The following COL27A1 variants were observed in gnomAD, a reference collection of about 807,000 sequenced individuals.
The protein encoded by COL27A1 is collagen alpha-1(XXVII) chain.
Under a neutral mutation model 251.3 loss-of-function variants are expected in COL27A1, and 106 were observed. The observed-to-expected ratio is 0.42, with a 90% CI of 0.36 to 0.50. The LOEUF (loss-of-function observed/expected upper bound fraction) is 0.50, where lower values mean the gene tolerates loss of function less well. COL27A1 is among the 20% of genes least tolerant of loss of function. The pLI is 0.00. For missense variants in COL27A1, 2,325 were observed against 2,522.8 expected, an observed-to-expected ratio of 0.92 and a Z score of 1.68; for synonymous variants, 1,000 against 986.3, an observed-to-expected ratio of 1.01 and a Z score of -0.26.
intron 29 of COL27A1, among the ~76,000 whole-genome samples, chr9:114,264,630 C>T (rs752565856): frequency 6.6e-5 from 10 of 152,286 alleles, no homozygotes; most frequent in Middle Eastern, 3.4e-3. Flanking sequence ...AGATCATACA[C>T]GTCCTCAGAC....
chr9:114,173,677 G>A (rs867660598), intron 3 of COL27A1, among the ~76,000 whole-genome samples: 4 of 151,368 alleles, frequency 2.6e-5, no homozygotes, highest in Non-Finnish European at 5.9e-5. Context: ...TTCCAGGGTC[G>A]TTACATGGAT....
At chr9:114,261,717 G>A (rs762119708) in intron 28 of COL27A1, among the ~76,000 whole-genome samples, 12 of 152,292 alleles carry the variant, frequency 7.9e-5, no homozygotes, top group Middle Eastern at 3.4e-3. Context: ...CCCCGGTGAC[G>A]GGGAGCTCAC....
In COL27A1 at chr9:114,159,723, G is replaced by A. The variant is rs147821226; in HGVS notation, c.63-2992G>A. Reference sequence around the variant, plus strand: ...GTACAGCTCTTCCCTAATGTATCTGGCCAATTTCCTAGAAAGCATGTCCCT... The same window carrying A: ...GTACAGCTCTTCCCTAATGTATCTGACCAATTTCCTAGAAAGCATGTCCCT... On this transcript the variant is annotated intron_variant, in intron 1 of 60. Transcript: ENST00000356083. Among the ~76,000 whole-genome samples the A allele has an allele frequency of 4.6e-5, 7 of 152,308 alleles. No individual in the cohort carries two copies. In the East Asian group the frequency reaches 1.2e-3, roughly 25 times the overall value.
At chr9:114,167,630 G>T in intron 2 of COL27A1, 59 bp from the exon 3 acceptor site, 1 of 1,445,002 alleles carries the variant, frequency 6.9e-7, no homozygotes, top group South Asian at 1.3e-5. Flanking sequence ...GGGGGTAGGG[G>T]GTGGGGTGGG....
chr9:114,219,314 T>C (rs1453426268), intron 12 of COL27A1, among the ~76,000 whole-genome samples: 1 of 152,198 alleles, frequency 6.6e-6, no homozygotes, highest in Non-Finnish European at 1.5e-5. Flanking sequence ...CACAGCCTCG[T>C]TTCCTTTATC....
chr9:114,268,979 C>T (rs1243762182), intron 34 of COL27A1: 2 of 445,442 alleles, frequency 4.5e-6, no homozygotes, highest in Non-Finnish European at 7.8e-6. Context: ...CAGAACAGTA[C>T]AGTTAGTTAT....
Position 114,245,958 on chromosome 9 carries a change from T to TTAC in COL27A1, c.2979+50_2979+52dup, listed in dbSNP as rs753850187. The TTAC allele has an allele frequency of 2.6e-6, 4 of 1,549,444 alleles. No individual in the cohort carries two copies. The African/African-American group carries it at 5.5e-5, about 21-fold the overall frequency. On this transcript the variant is annotated intron_variant, in intron 24 of 60. Coordinates refer to ENST00000356083, the MANE Select transcript of COL27A1 (RefSeq NM_032888.4). ...ATGAGTGGCTCCATTTATTGGGCCC[T>TTAC]TACTCTGTGCCAAGCCCTTTGCCCA...
chr9:114,309,511 G>T (rs372559696), intron 60 of COL27A1, 33 bp downstream of exon 60: 19 of 1,560,884 alleles, frequency 1.2e-5, no homozygotes, highest in Middle Eastern at 3.5e-4. Context: ...GGCCCTTCAT[G>T]TGGGGACAAC....
chr9:114,195,917 C>T (rs1474429437), intron 6 of COL27A1, 42 bp from the exon 7 acceptor site: 11 of 1,441,594 alleles, frequency 7.6e-6, no homozygotes, highest in Admixed American at 1.7e-5. Context: ...AGTGTCTCTG[C>T]TCCCGTTTTC....
chr9:114,194,495 G>C (rs748665599), intron 6 of COL27A1, 38 bp downstream of exon 6: 1 of 1,565,088 alleles, frequency 6.4e-7, no homozygotes. Flanking sequence ...GGGAAGAGGG[G>C]AGTGGATGAT....
rs536578544 is a variant in COL27A1, at chr9:114,227,838, G to A, written c.2467-3241G>A. Among the ~76,000 whole-genome samples the A allele has an allele frequency of 8.5e-5, 13 of 152,296 alleles. No individual in the cohort carries two copies. In the South Asian group the frequency reaches 2.3e-3, roughly 27 times the overall value. On this transcript the variant is annotated intron_variant, in intron 14 of 60. Coordinates refer to ENST00000356083, the MANE Select transcript of COL27A1 (RefSeq NM_032888.4). ...GGGACATGACATTCTGAGTGGCTCC[G>A]GCCAAGCTGGCCTCGAGGGCGTCTG...
chr9:114,157,104 A>G lies in COL27A1; in HGVS notation c.62+1092A>G, dbSNP rs370520154. Among the ~76,000 whole-genome samples, 187 of 69,190 alleles carry G rather than the reference A, an allele frequency of 2.7e-3. 3 individuals are homozygous for G. Among genetic ancestry groups the G allele is most frequent in the South Asian group, 5.5e-3 (8 of 1,454 alleles). 45.4% of individuals were successfully genotyped at this position (69,190 alleles called of 152,430 possible). A position where few individuals can be genotyped will look rare whatever the true frequency, so the allele number is the denominator to read the frequency against. The stretch of plus-strand genomic sequence containing the variant: ...CACACACACACACACACACACACAC[A>G]TACGCGCGCGCGGCACCAGTGAGCA... On this transcript the variant is annotated intron_variant, in intron 1 of 60. Transcript: ENST00000356083.
intron 11 of COL27A1, 23 bp downstream of exon 11, chr9:114,209,751 T>A: frequency 6.2e-7 from 1 of 1,612,996 alleles, no homozygotes; most frequent in Non-Finnish European, 8.5e-7. Flanking sequence ...CTTTGGTTAT[T>A]CACCATCCAC....
chr9:114,302,607 TC>T (rs1195995294), intron 56 of COL27A1, among the ~76,000 whole-genome samples: 1 of 150,796 alleles, frequency 6.6e-6, no homozygotes, highest in Non-Finnish European at 1.5e-5. Flanking sequence ...GCACCTGTAA[TC>T]CCAGCTACAG....
chr9:114,264,845 C>G, intron 29 of COL27A1, 79 bp from the exon 30 acceptor site: 1 of 1,468,334 alleles, frequency 6.8e-7, no homozygotes, highest in East Asian at 2.3e-5. Flanking sequence ...CCTTTTATCT[C>G]CCATGTGGAG....
At chr9:114,308,796 G>A (rs1249758) in intron 59 of COL27A1, among the ~76,000 whole-genome samples, 3,062 of 152,286 alleles carry the variant, frequency 0.02, 95 homozygotes, top group African/African-American at 0.071. Flanking sequence ...AAATCCTGCC[G>A]TGTTGTTTGC....
upstream of COL27A1, among the ~76,000 whole-genome samples, chr9:114,154,537 G>A (rs1848019087): frequency 6.6e-6 from 1 of 152,192 alleles, no homozygotes. This position sits in a 1 kb window ranked among gnomAD's most constrained non-coding sequence, Gnocchi z 5.8. Context: ...GTGAGGGTGT[G>A]CGCGCGTGTG....
intron 14 of COL27A1, among the ~76,000 whole-genome samples, chr9:114,227,183 C>G (rs1170884617): frequency 6.6e-6 from 1 of 152,146 alleles, no homozygotes; most frequent in African/African-American, 2.4e-5. Flanking sequence ...CCAGCCGTTC[C>G]CCACATTAGC....
At position 114,163,595 on chromosome 9, in the gene COL27A1, C is replaced by T. The variant is rs142083582; in HGVS notation, c.133+810C>T. Among the ~76,000 whole-genome samples the T allele has an allele frequency of 1.5e-3, 225 of 152,280 alleles. 2 individuals are homozygous for T. In the South Asian group the frequency reaches 0.025, roughly 17 times the overall value. ...CTCCCACATCTGTTTGTCAAGCAGC[C>T]GCATGCCTCTGAAAATAGCTGCCCT... On this transcript the variant is annotated intron_variant, in intron 2 of 60. Transcript: ENST00000356083.
Sources: gnomAD v4.1 joint callset for allele counts (sites outside exome capture counted in the v4.1 genomes callset) on GRCh38, gnomAD v4.1.1 for gene constraint, Gnocchi (gnomAD v3.1) non-coding constraint, MANE v1.5 for transcripts, NCBI Gene and HGNC (gene_info 2026-07-23, HGNC 2026-07-21) for gene names.